Variants in FGD5 observed in about 807,000 individuals in gnomAD.
FGD5 encodes FYVE, RhoGEF and PH domain containing 5, also known as FYVE, RhoGEF and PH domain-containing protein 5.
In FGD5, 28 loss-of-function variants were observed where a neutral mutation model predicts 133.4. That is an observed-to-expected ratio of 0.21 (90% CI 0.16 to 0.29). FGD5 has a LOEUF of 0.29. Among genes scored for constraint, FGD5 ranks in the 10% least tolerant of loss-of-function variants. FGD5 has a pLI of 1.00. For missense variants in FGD5, 1,858 were observed against 1,895.2 expected, an observed-to-expected ratio of 0.98 and a Z score of 0.36; for synonymous variants, 810 against 776.5, an observed-to-expected ratio of 1.04 and a Z score of -0.72.
At position 14,917,408 on chromosome 3, in the gene FGD5, C is replaced by T; in HGVS notation, c.3489+76C>T. 1 of 1,302,956 alleles carries T rather than the reference C, an allele frequency of 7.7e-7. No individual in the cohort carries two copies. Among genetic ancestry groups the T allele is most frequent in the East Asian group, 2.5e-5 (1 of 40,140 alleles). 80.7% of individuals were successfully genotyped at this position (1,302,956 alleles called of 1,614,324 possible). A position where few individuals can be genotyped will look rare whatever the true frequency, so the allele number is the denominator to read the frequency against. On this transcript the variant is annotated intron_variant, in intron 12 of 19. Coordinates refer to ENST00000285046, the MANE Select transcript of FGD5 (RefSeq NM_152536.4). This position sits in a 1 kb window ranked among gnomAD's most constrained non-coding sequence, Gnocchi z 4.1. ...GGGGAGAAGGGGACAGCATCCTGCT[C>T]CCAGGAGCACCCAGACCAGCTGGAA...
intron 1 of FGD5, among the ~76,000 whole-genome samples, chr3:14,858,366 G>GATGC (rs2037328385): frequency 6.6e-6 from 1 of 150,626 alleles, no homozygotes; most frequent in East Asian, 1.9e-4. Context: ...TGGATGGATG[G>GATGC]ATGGATGGAT....
intron 10 of FGD5, among the ~76,000 whole-genome samples, chr3:14,910,434 A>T (rs1206965837): frequency 6.6e-6 from 1 of 152,158 alleles, no homozygotes; most frequent in Admixed American, 6.5e-5. Context: ...GTTTTTTGAG[A>T]CAGGGTCTTA....
At chr3:14,895,217 C>T (rs1025062558) in intron 4 of FGD5, among the ~76,000 whole-genome samples, 2 of 152,114 alleles carry the variant, frequency 1.3e-5, no homozygotes, top group African/African-American at 4.8e-5. Context: ...GATGTAGTCC[C>T]ATTTGTCTAT....
Position 14,917,430 on chromosome 3 carries a change from G to A in FGD5, c.3489+98G>A. 3 of 1,075,836 alleles carry A rather than the reference G, an allele frequency of 2.8e-6. No individual in the cohort carries two copies. Among genetic ancestry groups the A allele is most frequent in the Non-Finnish European group, 4.1e-6 (3 of 732,572 alleles). The allele number at this position is 1,075,836 out of a possible 1,614,324, so 66.6% of individuals were successfully genotyped here. A position where few individuals can be genotyped will look rare whatever the true frequency, so the allele number is the denominator to read the frequency against. On this transcript the variant is annotated intron_variant, in intron 12 of 19. Transcript: ENST00000285046. This position sits in a 1 kb window ranked among gnomAD's most constrained non-coding sequence, Gnocchi z 4.1. The stretch of plus-strand genomic sequence containing the variant: ...GCTCCCAGGAGCACCCAGACCAGCT[G>A]GAAGAGGGAGGCCCTGCGGAAACAG...
chr3:14,826,307 C>T (rs1185221456), intron 1 of FGD5, among the ~76,000 whole-genome samples: 1 of 152,098 alleles, frequency 6.6e-6, no homozygotes, highest in African/African-American at 2.4e-5. Flanking sequence ...TCTTCTTCCC[C>T]TCTTCTCCTC....
Position 14,820,734 on chromosome 3 carries a change from G to C in FGD5, c.1663G>C (p.Gly555Arg). ...TLYPRSFSVE[G>R]REIPVSVYQE... ...ATACCCTCGGTCGTTCTCCGTGGAA[G>C]GCCGAGAGATTCCAGTGTCCGTGTA... Residue 555 changes from glycine to arginine, a missense_variant, in exon 1 of 20, where the codon GGC becomes CGC. Physicochemically the swap from Gly to Arg is moderately radical, Grantham distance 125. Around this residue, in one of 3 missense-constraint regions of FGD5, gnomAD observed 1,824 missense variants for 1,848.9 expected, o/e 0.99. Coordinates refer to ENST00000285046, the MANE Select transcript of FGD5 (RefSeq NM_152536.4). The C allele has an allele frequency of 6.2e-7, 1 of 1,607,798 alleles. No individual in the cohort carries two copies. Among genetic ancestry groups the C allele is most frequent in the Non-Finnish European group, 8.5e-7 (1 of 1,177,650 alleles).
At chr3:14,884,451 C>A (rs574895047) in intron 4 of FGD5, among the ~76,000 whole-genome samples, 1 of 152,328 alleles carries the variant, frequency 6.6e-6, no homozygotes, top group Admixed American at 6.5e-5. Flanking sequence ...GCCACACTGG[C>A]CTTCTTTCTG....
Position 14,843,746 on chromosome 3 carries a change from A to G in FGD5, c.2526-20382A>G, listed in dbSNP as rs866727705. ...CATTCTGTCGCCCAGGCTGGGGTGC[A>G]GTGGCGTGATCTCGGCTTACTGCAA... On this transcript the variant is annotated intron_variant, in intron 1 of 19. Coordinates refer to ENST00000285046, the MANE Select transcript of FGD5 (RefSeq NM_152536.4). Among the ~76,000 whole-genome samples the G allele has an allele frequency of 1.7e-3, 230 of 138,678 alleles. 3 individuals carry two copies. The highest frequency in any genetic ancestry group is 5.8e-3 in the African/African-American group (210 of 36,354). 91.0% of individuals were successfully genotyped at this position (138,678 alleles called of 152,430 possible). A position where few individuals can be genotyped will look rare whatever the true frequency, so the allele number is the denominator to read the frequency against.
At chr3:14,824,428 T>G (rs2036564997) in intron 1 of FGD5, among the ~76,000 whole-genome samples, 1 of 152,120 alleles carries the variant, frequency 6.6e-6, no homozygotes, top group Admixed American at 6.5e-5. Flanking sequence ...GGCAGTTCCT[T>G]CCTCCGCCTG....
At position 14,932,693 on chromosome 3, in the gene FGD5, T is replaced by C. The variant is rs1175002334; in HGVS notation, c.4314T>C (p.Phe1438=). ...ACCTTTACCACAAGAAAACCCTATT[T>C]TATAGCTTCAAAGCAGAAGATACCA... ...IFHLYHKKTL[F]YSFKAEDTNS... is the part of the protein sequence containing the mutation. Residue 1438 remains phenylalanine, a synonymous_variant, in exon 19 of 20, where the codon TTT becomes TTC. Coordinates refer to ENST00000285046, the MANE Select transcript of FGD5 (RefSeq NM_152536.4). The C allele has an allele frequency of 3.1e-6, 5 of 1,613,984 alleles. No individual in the cohort carries two copies. Among genetic ancestry groups the C allele is most frequent in the Non-Finnish European group, 3.4e-6 (4 of 1,179,886 alleles).
intron 1 of FGD5, among the ~76,000 whole-genome samples, chr3:14,825,641 C>G (rs932752902): frequency 6.6e-6 from 1 of 152,020 alleles, no homozygotes; most frequent in African/African-American, 2.4e-5. Context: ...AGAGCAGACC[C>G]TGATTCAAAA....
At chr3:14,851,132 CGTTGAGGAGCTCTGCCT>C (rs1350374094) in intron 1 of FGD5, among the ~76,000 whole-genome samples, 1 of 145,340 alleles carries the variant, frequency 6.9e-6, no homozygotes, top group Non-Finnish European at 1.5e-5. Flanking sequence ...GGTCTGTAAG[CGTTGAGGAGCTCTGCCT>C]GTTGAATTCA....
At chr3:14,823,732 T>A (rs2036548550) in intron 1 of FGD5, among the ~76,000 whole-genome samples, 1 of 152,238 alleles carries the variant, frequency 6.6e-6, no homozygotes, top group Non-Finnish European at 1.5e-5. Flanking sequence ...AGGCTGCGCA[T>A]TGTACAATCA....
Position 14,922,677 on chromosome 3 carries a change from C to G in FGD5, c.3807+129C>G, listed in dbSNP as rs1343269982. 3.9e-6 allele frequency: 5 copies of G among 1,279,694 alleles called. No homozygotes were observed. In the African/African-American group the frequency reaches 4.4e-5, roughly 11 times the overall value. The allele number at this position is 1,279,694 out of a possible 1,614,324, so 79.3% of individuals were successfully genotyped here. On this transcript the variant is annotated intron_variant, in intron 15 of 19. Coordinates refer to ENST00000285046, the MANE Select transcript of FGD5 (RefSeq NM_152536.4). This position sits in a 1 kb window ranked among gnomAD's most constrained non-coding sequence, Gnocchi z 4.1. Reference sequence around the variant, plus strand: ...GCCCCAGAGTGAGGCATGTTCACACCAACCCGAGAGGAACAGATTGCTAAT... The same window carrying G: ...GCCCCAGAGTGAGGCATGTTCACACGAACCCGAGAGGAACAGATTGCTAAT...
intron 7 of FGD5, among the ~76,000 whole-genome samples, chr3:14,899,245 T>C (rs2038192944): frequency 6.6e-6 from 1 of 152,130 alleles, no homozygotes; most frequent in African/African-American, 2.4e-5. Context: ...GTTTCTGTGG[T>C]ATACTCTCTC....
chr3:14,906,298 A>T (rs772097190), intron 9 of FGD5, among the ~76,000 whole-genome samples: 5 of 152,080 alleles, frequency 3.3e-5, no homozygotes, highest in African/African-American at 4.8e-5. Flanking sequence ...CCTCCCCTCC[A>T]TGGCGGCTGA....
At chr3:14,916,555 G>A (rs764890020) in intron 11 of FGD5, among the ~76,000 whole-genome samples, 3 of 152,112 alleles carry the variant, frequency 2.0e-5, no homozygotes, top group Non-Finnish European at 2.9e-5. Context: ...ATACTTTATC[G>A]AGCTTTATTT....
chr3:14,859,064 G>A (rs182413946), intron 1 of FGD5, among the ~76,000 whole-genome samples: 1 of 152,298 alleles, frequency 6.6e-6, no homozygotes, highest in East Asian at 1.9e-4. Context: ...GCTCTTTCAT[G>A]TTGTGGAAGT....
rs529031046 is a variant in FGD5, at chr3:14,924,881, C to G, written c.4068+743C>G. 2.0e-3 allele frequency among the ~76,000 whole-genome samples: 311 copies of G among 152,224 alleles called. 1 individual carries two copies. Among genetic ancestry groups the G allele is most frequent in the Non-Finnish European group, 3.4e-3 (234 of 68,026 alleles). On this transcript the variant is annotated intron_variant, in intron 17 of 19. Coordinates refer to ENST00000285046, the MANE Select transcript of FGD5 (RefSeq NM_152536.4). The stretch of plus-strand genomic sequence containing the variant: ...CTTTGGGAGGCTGAGGTGGGCAGAT[C>G]ACGAGGTCGGGAGATCCAGACCATC...
Sources: gnomAD v4.1 joint callset for allele counts (sites outside exome capture counted in the v4.1 genomes callset) on GRCh38, gnomAD v4.1.1 for gene constraint, gnomAD v4.1.1 regional missense constraint, Gnocchi (gnomAD v3.1) non-coding constraint, MANE v1.5 for transcripts, NCBI Gene and HGNC (gene_info 2026-07-23, HGNC 2026-07-21) for gene names.